ZNF207: variants seen among roughly 807,000 people sequenced by gnomAD.
ZNF207 encodes the protein zinc finger protein 207.
ZNF207 carries 24 observed loss-of-function variants against 60.2 expected under a neutral mutation model. The ratio of observed to expected loss-of-function variants is 0.40; its 90% CI spans 0.29 to 0.56. ZNF207 has a LOEUF of 0.56. ZNF207 is among the 20% of genes least tolerant of loss of function. The pLI is 0.49. For synonymous variants in ZNF207, 236 were observed against 194.7 expected (o/e 1.21, Z -1.77); for missense variants, 452 against 636.6 (o/e 0.71, Z 3.12).
intron 6 of ZNF207, 41 bp downstream of exon 6, chr17:32,361,556 A>T: frequency 6.5e-7 from 1 of 1,550,362 alleles, no homozygotes; most frequent in South Asian, 1.2e-5. Flanking sequence ...AGGTATAATC[A>T]TACTGTCATT....
chr17:32,369,603 G>C lies in ZNF207; in HGVS notation c.1329G>C (p.Gln443His). 5 of 1,567,634 alleles carry C rather than the reference G, an allele frequency of 3.2e-6. No individual in the cohort carries two copies. The highest frequency in any genetic ancestry group is 4.3e-6 in the Non-Finnish European group (5 of 1,155,524). Residue 443 changes from glutamine (Q) to histidine (H), a missense_variant, in exon 12 of 12, where the codon CAG becomes CAC. Gln to His is a conservative substitution (Grantham distance 24). Coordinates refer to ENST00000394670, the MANE Select transcript of ZNF207 (RefSeq NM_001098507.2). ...GTTTGAAATTCTTGATTTTAGGTCA[G>C]TATGGTGGTCATCATCAAGGCATGC... ...GMRPPMPPHG[Q>H]YGGHHQGMPG... is the part of the protein sequence containing the mutation.
rs548173999 is a variant in ZNF207, at chr17:32,379,162, C to CGTAT, written c.*9403_*9404insGTAT. 2 of 151,056 alleles carry CGTAT rather than the reference C, an allele frequency of 1.3e-5. No homozygotes were observed. Among genetic ancestry groups the CGTAT allele is most frequent in the South Asian group, 4.2e-4 (2 of 4,756 alleles). The allele number at this position is 151,056 out of a possible 1,614,324, so 9.4% of individuals were successfully genotyped here. A position where few individuals can be genotyped will look rare whatever the true frequency, so the allele number is the denominator to read the frequency against. On this transcript the variant is annotated 3_prime_UTR_variant, in exon 12 of 12. Coordinates refer to ENST00000394670, the MANE Select transcript of ZNF207 (RefSeq NM_001098507.2). Reference sequence around the variant, plus strand: ...ATCTGTATATGAAATGGTGTAGATACAGTGGAAATGGTTTTCCTTAAAACC... The same window carrying CGTAT: ...ATCTGTATATGAAATGGTGTAGATACGTATAGTGGAAATGGTTTTCCTTAAAACC...
chr17:32,370,868 G>C lies in ZNF207; in HGVS notation c.*1109G>C, dbSNP rs574424298. 6.6e-6 allele frequency: 1 copy of C among 152,162 alleles called. No homozygotes were observed. The highest frequency in any genetic ancestry group is 2.4e-5 in the African/African-American group (1 of 41,436). The allele number at this position is 152,162 out of a possible 1,614,324, so 9.4% of individuals were successfully genotyped here. ...TATATATTATTCTAAGTGTAATGCT[G>C]AGAATCTAAATGTGTCTCTGTTGGG... On this transcript the variant is annotated 3_prime_UTR_variant, in exon 12 of 12. Transcript: ENST00000394670.
chr17:32,363,567 T>G (rs1905007323), intron 7 of ZNF207, among the ~76,000 whole-genome samples: 1 of 110,764 alleles, frequency 9.0e-6, no homozygotes, highest in African/African-American at 3.4e-5. Context: ...TGAGATGGAA[T>G]CTCGCTCTGT....
rs964558100 is a variant in ZNF207 at position 32,367,802 on chromosome 17, A to G, written c.952A>G (p.Thr318Ala). ...GGCAGCTGTCCAAGGACCTGTTGGT[A>G]CAGATTTCAAACCCTTAAATAGTAC... Reference protein sequence around the residue: ...AQAAVQGPVGTDFKPLNSTPA... With the variant: ...AQAAVQGPVGADFKPLNSTPA... The change falls in exon 10 of 12, where the codon ACA becomes GCA. Residue 318 changes from threonine (T) to alanine (A), a missense_variant. Around this residue, in one of 2 missense-constraint regions of ZNF207, gnomAD observed 390 missense variants for 461.4 expected, o/e 0.85. Coordinates refer to ENST00000394670, the MANE Select transcript of ZNF207 (RefSeq NM_001098507.2). 2.5e-6 allele frequency: 4 copies of G among 1,614,050 alleles called. No individual in the cohort carries two copies. The highest frequency in any genetic ancestry group is 2.5e-6 in the Non-Finnish European group (3 of 1,180,038).
chr17:32,351,333 A>G (rs370224395), intron 1 of ZNF207: 1 of 596,364 alleles, frequency 1.7e-6, no homozygotes. Context: ...ATTGTTCACC[A>G]TATAGTTACT....
At chr17:32,369,183 G>C in intron 10 of ZNF207, 112 bp from the exon 11 acceptor site, 1 of 1,202,634 alleles carries the variant, frequency 8.3e-7, no homozygotes. Flanking sequence ...TGGGATGTAA[G>C]GGTAAATTTT....
intron 7 of ZNF207, among the ~76,000 whole-genome samples, chr17:32,364,059 G>A (rs1000855206): frequency 6.7e-6 from 1 of 149,620 alleles, no homozygotes; most frequent in Admixed American, 6.7e-5. Flanking sequence ...TTGAGACAGG[G>A]TGTTGGTCTG....
intron 3 of ZNF207, 48 bp from the exon 4 acceptor site, chr17:32,360,550 A>C: frequency 6.6e-7 from 1 of 1,517,402 alleles, no homozygotes; most frequent in Non-Finnish European, 8.9e-7. Context: ...GTTGTAAATA[A>C]ACTTTCTTAG....
At position 32,376,562 on chromosome 17, in the gene ZNF207, G is replaced by A. The variant is rs1905681999; in HGVS notation, c.*6803G>A. On this transcript the variant is annotated 3_prime_UTR_variant, in exon 12 of 12. Coordinates refer to ENST00000394670, the MANE Select transcript of ZNF207 (RefSeq NM_001098507.2). ...GGGGAAAATGTCTTTATTTTACTAAGCGGAAGTAGTAGTCATATTGAGGCA... is the reference window on the plus strand; with the variant it reads ...GGGGAAAATGTCTTTATTTTACTAAACGGAAGTAGTAGTCATATTGAGGCA... 1 of 152,010 alleles carries A rather than the reference G, an allele frequency of 6.6e-6. No homozygotes were observed. Among genetic ancestry groups the A allele is most frequent in the Non-Finnish European group, 1.5e-5 (1 of 67,924 alleles). 9.4% of individuals were successfully genotyped at this position (152,010 alleles called of 1,614,324 possible).
chr17:32,353,543 A>T (rs972720731), intron 2 of ZNF207, among the ~76,000 whole-genome samples: 1 of 152,074 alleles, frequency 6.6e-6, no homozygotes, highest in Non-Finnish European at 1.5e-5. Context: ...GCACTTTGGG[A>T]GGCCGAGGCT....
chr17:32,367,267 ATATATATATATATATAT>A (rs1567824972), intron 9 of ZNF207, among the ~76,000 whole-genome samples: 28 of 117,824 alleles, frequency 2.4e-4, no homozygotes, highest in African/African-American at 9.5e-4. Flanking sequence ...ATATATATAT[ATATATATATATATATAT>A]AAAGAATACT....
At position 32,371,438 on chromosome 17, in the gene ZNF207, T is replaced by A. The variant is rs911538431; in HGVS notation, c.*1679T>A. 2.0e-5 allele frequency: 3 copies of A among 152,254 alleles called. No individual in the cohort carries two copies. Among genetic ancestry groups the A allele is most frequent in the Non-Finnish European group, 2.9e-5 (2 of 68,050 alleles). The allele number at this position is 152,254 out of a possible 1,614,324, so 9.4% of individuals were successfully genotyped here. On this transcript the variant is annotated 3_prime_UTR_variant, in exon 12 of 12. Coordinates refer to ENST00000394670, the MANE Select transcript of ZNF207 (RefSeq NM_001098507.2). ...TTTAAGCAAAACATTGCAAGTATTA[T>A]AAAGCTGAATGCTATTTTAACTCAC...
At chr17:32,355,243 A>G (rs1017121353) in intron 2 of ZNF207, among the ~76,000 whole-genome samples, 10 of 152,122 alleles carry the variant, frequency 6.6e-5, no homozygotes, top group African/African-American at 2.4e-4. Flanking sequence ...AAAAATGCAA[A>G]GTTGGGCATG....
At chr17:32,362,853 A>T in intron 6 of ZNF207, 61 bp from the exon 7 acceptor site, 2 of 1,484,104 alleles carry the variant, frequency 1.3e-6, no homozygotes, top group South Asian at 2.3e-5. Context: ...TAGCCAGAAT[A>T]TTTTTTAATG....
chr17:32,361,491 C>T lies in ZNF207; in HGVS notation c.575C>T (p.Thr192Ile), dbSNP rs1362754273. The T allele has an allele frequency of 3.7e-6, 6 of 1,607,620 alleles. No homozygotes were observed. The highest frequency in any genetic ancestry group is 8.5e-7 in the Non-Finnish European group (1 of 1,176,922). The change falls in exon 6 of 12, where the codon ACC (threonine) becomes ATC (isoleucine). Residue 192 changes from threonine (T) to isoleucine (I), a missense_variant. By Grantham distance (89) the Thr-to-Ile change is moderately conservative (BLOSUM62 -1). Transcript: ENST00000394670. ...PPGLHHQRKY[T>I]QSFCGENIMM... ...AGATTGCATCATCAGAGAAAATACA[C>T]CCAGTCATTTTGCGGTGAAAACATG... is the stretch of plus-strand genomic sequence containing the variant.
At position 32,378,216 on chromosome 17, in the gene ZNF207, A is replaced by T. The variant is rs1905745893; in HGVS notation, c.*8457A>T. ...TCTCCTTGTGGTTCAACCTAAGTAG[A>T]TACATTGTACATAAAAGGAAAAGAC... On this transcript the variant is annotated 3_prime_UTR_variant, in exon 12 of 12. Transcript: ENST00000394670. The T allele has an allele frequency of 6.6e-6, 1 of 152,044 alleles. No individual in the cohort carries two copies. Among genetic ancestry groups the T allele is most frequent in the South Asian group, 2.1e-4 (1 of 4,826 alleles). The allele number at this position is 152,044 out of a possible 1,614,324, so 9.4% of individuals were successfully genotyped here.
At chr17:32,361,150 A>C in intron 5 of ZNF207, 183 bp downstream of exon 5, 3 of 701,236 alleles carry the variant, frequency 4.3e-6, no homozygotes, top group Non-Finnish European at 7.0e-6. Flanking sequence ...GCCTCTGAGT[A>C]ATAGATTTTT....
At chr17:32,358,475 T>G (rs1567816772) in intron 2 of ZNF207, 28 bp from the exon 3 acceptor site, 2 of 1,524,954 alleles carry the variant, frequency 1.3e-6, no homozygotes, top group Non-Finnish European at 8.7e-7. Flanking sequence ...AAAAAAGACT[T>G]TTATCTAATG....
Sources: allele counts gnomAD v4.1 joint callset (sites outside exome capture counted in the v4.1 genomes callset), GRCh38; gene constraint gnomAD v4.1.1; regional missense constraint gnomAD v4.1.1; transcripts MANE v1.5; gene names NCBI Gene and HGNC (gene_info 2026-07-23, HGNC 2026-07-21).